Variants in HS1BP3 observed in about 807,000 individuals in gnomAD.
The protein encoded by HS1BP3 is HCLS1 binding protein 3, also known as HCLS1-binding protein 3.
HS1BP3 carries 32 observed loss-of-function variants against 33.5 expected under a neutral mutation model. The observed-to-expected ratio is 0.95, with a 90% CI of 0.72 to 1.28. The LOEUF (loss-of-function observed/expected upper bound fraction) is 1.28. Among genes scored for constraint, HS1BP3 ranks in the 50% most tolerant of loss-of-function variants. HS1BP3 has a pLI of 0.00. For synonymous variants in HS1BP3, 187 were observed against 209.2 expected, an observed-to-expected ratio of 0.89 and a Z score of 0.92; for missense variants, 486 against 502.3, an observed-to-expected ratio of 0.97 and a Z score of 0.31.
chr2:20,561,435 A>G (rs1692991179), intron 5 of HS1BP3, among the ~76,000 whole-genome samples: 2 of 152,198 alleles, frequency 1.3e-5, no homozygotes, highest in Non-Finnish European at 2.9e-5. Context: ...TGACCACAGT[A>G]GGGCCTCAAC....
At chr2:20,626,707 G>A (rs980619968) in intron 4 of HS1BP3, among the ~76,000 whole-genome samples, 1 of 152,128 alleles carries the variant, frequency 6.6e-6, no homozygotes, top group Non-Finnish European at 1.5e-5. Flanking sequence ...CAGGCCATGA[G>A]GGACCTCCTC....
chr2:20,606,520 A>T (rs1479465605), intron 2 of HS1BP3: 1 of 469,146 alleles, frequency 2.1e-6, no homozygotes, highest in African/African-American at 2.0e-5. Flanking sequence ...AAACTAAGTT[A>T]TTGGGCTTGT....
chr2:20,628,355 T>C (rs1388815474), intron 4 of HS1BP3, among the ~76,000 whole-genome samples: 1 of 152,170 alleles, frequency 6.6e-6, no homozygotes, highest in Admixed American at 6.5e-5. Flanking sequence ...TTTCGGAGGC[T>C]GAGGTGGGTG....
At chr2:20,594,804 C>A (rs1693907098) in intron 3 of HS1BP3, among the ~76,000 whole-genome samples, 1 of 152,154 alleles carries the variant, frequency 6.6e-6, no homozygotes, top group African/African-American at 2.4e-5. Context: ...GGAGGGCTGG[C>A]TCTCTGATTC....
intron 5 of HS1BP3, among the ~76,000 whole-genome samples, chr2:20,583,655 ATC>A (rs1339133765): frequency 1.3e-5 from 2 of 152,184 alleles, no homozygotes; most frequent in African/African-American, 4.8e-5. Context: ...AGCCCACATC[ATC>A]TCTCATGGTG....
chr2:20,649,131 G>A (rs1025882429), intron 1 of HS1BP3, among the ~76,000 whole-genome samples: 4 of 152,162 alleles, frequency 2.6e-5, no homozygotes, highest in Non-Finnish European at 5.9e-5. Context: ...ACCAGAAGTT[G>A]GGCCCTATTG....
chr2:20,602,749 A>T (rs946746010), intron 2 of HS1BP3, among the ~76,000 whole-genome samples: 2 of 152,252 alleles, frequency 1.3e-5, no homozygotes, highest in African/African-American at 4.8e-5. Flanking sequence ...TCAAAATTTT[A>T]AAGTTTTGTG....
At chr2:20,599,290 C>T (rs1694016367) in intron 2 of HS1BP3, among the ~76,000 whole-genome samples, 1 of 152,248 alleles carries the variant, frequency 6.6e-6, no homozygotes, top group African/African-American at 2.4e-5. Context: ...CTCCCTTCCC[C>T]TGCCCTGGAG....
At chr2:20,601,256 T>C (rs1694062779) in intron 2 of HS1BP3, among the ~76,000 whole-genome samples, 1 of 152,230 alleles carries the variant, frequency 6.6e-6, no homozygotes, top group Non-Finnish European at 1.5e-5. Flanking sequence ...ACTGAGTATC[T>C]AGACTTGCTT....
intron 5 of HS1BP3, among the ~76,000 whole-genome samples, chr2:20,568,439 G>A (rs988687754): frequency 1.9e-4 from 29 of 152,184 alleles, no homozygotes; most frequent in African/African-American, 6.8e-4. Context: ...GCCAAGCCTG[G>A]GCCGCCGTCA....
At position 20,594,207 on chromosome 2, in the gene HS1BP3, A is replaced by G. The variant is rs116136476; in HGVS notation, c.*13-1413T>C. Among the ~76,000 whole-genome samples, 1,268 of 152,354 alleles carry G rather than the reference A, an allele frequency of 8.3e-3. 21 individuals carry two copies. The highest frequency in any genetic ancestry group is 0.029 in the African/African-American group (1,196 of 41,578). On this transcript the variant is annotated intron_variant, in intron 3 of 3. Transcript: ENST00000415264. Reference sequence around the variant, plus strand: ...TTAACAGGAAGAAGTGCAGTGATCCATTAGTGACATCTGCCATGGGTGTGG... The same window carrying G: ...TTAACAGGAAGAAGTGCAGTGATCCGTTAGTGACATCTGCCATGGGTGTGG...
At chr2:20,642,604 C>T (rs1695391002) in intron 2 of HS1BP3, among the ~76,000 whole-genome samples, 1 of 152,332 alleles carries the variant, frequency 6.6e-6, no homozygotes, top group African/African-American at 2.4e-5. Flanking sequence ...CCCTCAGGCT[C>T]AGACCACAGA....
intron 5 of HS1BP3, among the ~76,000 whole-genome samples, chr2:20,578,194 G>T (rs932895457): frequency 3.9e-5 from 6 of 152,218 alleles, no homozygotes; most frequent in Non-Finnish European, 7.3e-5. Flanking sequence ...GGCACAGGGT[G>T]GGGGTGGGAA....
At chr2:20,603,928 G>A (rs1694121285) in intron 2 of HS1BP3, among the ~76,000 whole-genome samples, 1 of 151,092 alleles carries the variant, frequency 6.6e-6, no homozygotes, top group Admixed American at 6.6e-5. Flanking sequence ...AATGGAGACA[G>A]CTATGCCTGA....
chr2:20,597,319 T>A (rs1693964602), intron 3 of HS1BP3, among the ~76,000 whole-genome samples: 1 of 152,214 alleles, frequency 6.6e-6, no homozygotes, highest in African/African-American at 2.4e-5. Flanking sequence ...AGTGTCCTCA[T>A]AGCTCTGATT....
intron 4 of HS1BP3, 40 bp from the exon 5 acceptor site, chr2:20,624,932 A>G (rs755703018): frequency 6.2e-7 from 1 of 1,611,452 alleles, no homozygotes; most frequent in South Asian, 1.1e-5. Flanking sequence ...AGGATTTCCC[A>G]CAAGTGTCCA....
At chr2:20,639,272 CCT>C (rs1695264878) in intron 3 of HS1BP3, among the ~76,000 whole-genome samples, 1 of 152,216 alleles carries the variant, frequency 6.6e-6, no homozygotes, top group African/African-American at 2.4e-5. Context: ...GAGAATGCCC[CCT>C]GTGTGACCAC....
intron 6 of HS1BP3, 47 bp from the exon 7 acceptor site, chr2:20,619,292 T>C (rs2149289498): frequency 1.4e-6 from 2 of 1,476,748 alleles, no homozygotes; most frequent in Non-Finnish European, 9.2e-7. Context: ...TGCCACCCCG[T>C]GACAGGAACA....
chr2:20,580,506 G>A (rs756602409), intron 5 of HS1BP3, among the ~76,000 whole-genome samples: 2 of 151,756 alleles, frequency 1.3e-5, no homozygotes, highest in East Asian at 1.9e-4. Flanking sequence ...GTGACAGAGC[G>A]AGACTCTGTC....
Sources: allele counts gnomAD v4.1 joint callset (sites outside exome capture counted in the v4.1 genomes callset), GRCh38; gene constraint gnomAD v4.1.1; transcripts MANE v1.5; gene names NCBI Gene and HGNC (gene_info 2026-07-23, HGNC 2026-07-21).